VIRMA: variants seen among roughly 807,000 people sequenced by gnomAD.
VIRMA encodes the protein vir like m6A methyltransferase associated.
In VIRMA, 65 loss-of-function variants were observed where a neutral mutation model predicts 182.4. The observed-to-expected ratio is 0.36, with a 90% CI of 0.29 to 0.44. The LOEUF (loss-of-function observed/expected upper bound fraction) is 0.44, where lower values mean the gene tolerates loss of function less well. VIRMA is among the 20% of genes least tolerant of loss of function. VIRMA has a pLI of 1.00. For synonymous variants in VIRMA, 709 were observed against 743.1 expected (o/e 0.95, Z 0.75); for missense variants, 1,752 against 2,158.1 (o/e 0.81, Z 3.73).
intron 2 of VIRMA, among the ~76,000 whole-genome samples, chr8:94,539,858 G>A (rs1311422438): frequency 6.6e-6 from 1 of 152,154 alleles, no homozygotes; most frequent in East Asian, 1.9e-4. Flanking sequence ...TACTGTGACA[G>A]TAGGCTTGTT....
chr8:94,523,260 T>C (rs1814837971), intron 8 of VIRMA, among the ~76,000 whole-genome samples: 1 of 152,158 alleles, frequency 6.6e-6, no homozygotes, highest in Non-Finnish European at 1.5e-5. Flanking sequence ...CATAAACATC[T>C]CCCTCTCCAC....
chr8:94,504,933 T>C (rs1311333331), intron 16 of VIRMA, among the ~76,000 whole-genome samples: 1 of 152,162 alleles, frequency 6.6e-6, no homozygotes, highest in Non-Finnish European at 1.5e-5. Flanking sequence ...ACATTAAGTC[T>C]AGGAAACCCA....
In VIRMA at chr8:94,511,434, G is replaced by A. The variant is rs139028810; in HGVS notation, c.3141C>T (p.Ile1047=). Reference sequence around the variant, plus strand: ...CACTATCCAAACGACCTGAGAGGGGGATAGAGCACAGGAGCATATGTAAAG... The same window carrying A: ...CACTATCCAAACGACCTGAGAGGGGAATAGAGCACAGGAGCATATGTAAAG... ...LVTLHMLLCS[I]PLSGRLDSDE... The change falls in exon 13 of 24, where the codon ATC becomes ATT. Residue 1047 remains isoleucine, a synonymous_variant. Coordinates refer to ENST00000297591, the MANE Select transcript of VIRMA (RefSeq NM_015496.5). 6.2e-7 allele frequency: 1 copy of A among 1,613,970 alleles called. No homozygotes were observed. The highest frequency in any genetic ancestry group is 8.5e-7 in the Non-Finnish European group (1 of 1,179,996).
chr8:94,540,136 AT>A (rs1815487684), intron 2 of VIRMA, among the ~76,000 whole-genome samples: 2 of 152,120 alleles, frequency 1.3e-5, no homozygotes, highest in Non-Finnish European at 2.9e-5. Flanking sequence ...ATGCGAACAG[AT>A]TTTTTTCAAG....
chr8:94,503,474 G>A (rs1814059924), intron 16 of VIRMA, among the ~76,000 whole-genome samples: 1 of 151,970 alleles, frequency 6.6e-6, no homozygotes. Context: ...TCAAATTGAG[G>A]GACATTCTAC....
chr8:94,496,539 A>C, intron 17 of VIRMA, 59 bp from the exon 18 acceptor site: 1 of 1,387,234 alleles, frequency 7.2e-7, no homozygotes, highest in Non-Finnish European at 1.0e-6. Flanking sequence ...AGATGCATCC[A>C]CACTTATTCA....
In VIRMA at chr8:94,519,313, T is replaced by C. The variant is rs1214768897; in HGVS notation, c.2185A>G (p.Asn729Asp). Residue 729 changes from asparagine (N) to aspartate (D), a missense_variant, in exon 9 of 24, where the codon AAT becomes GAT. By Grantham distance (23) the Asn-to-Asp change is conservative (BLOSUM62 1). Transcript: ENST00000297591. ...TGACACAGAGCTCGGATCAATAAAT[T>C]TGTTGCTTCATATTCCGACATAAAA... is the stretch of plus-strand genomic sequence containing the variant. Reference protein sequence around the residue: ...LFFMSEYEATNLLIRALCHFY... With the variant: ...LFFMSEYEATDLLIRALCHFY... 6.2e-7 allele frequency: 1 copy of C among 1,612,642 alleles called. No individual in the cohort carries two copies. Among genetic ancestry groups the C allele is most frequent in the East Asian group, 2.2e-5 (1 of 44,886 alleles).
intron 16 of VIRMA, among the ~76,000 whole-genome samples, chr8:94,502,969 T>G (rs1190871327): frequency 6.6e-6 from 1 of 152,154 alleles, no homozygotes; most frequent in African/African-American, 2.4e-5. Context: ...AGGATAGTAT[T>G]GAATTATATA....
chr8:94,524,540 G>T (rs1285717885), intron 8 of VIRMA, among the ~76,000 whole-genome samples: 2 of 151,806 alleles, frequency 1.3e-5, no homozygotes, highest in African/African-American at 4.8e-5. Context: ...CCTGAACTCA[G>T]ATGATCTGCC....
intron 2 of VIRMA, among the ~76,000 whole-genome samples, chr8:94,540,634 G>C (rs1815516293): frequency 6.6e-6 from 1 of 151,694 alleles, no homozygotes; most frequent in African/African-American, 2.4e-5. Context: ...GCTGATTTTT[G>C]TATTTTTAGT....
At chr8:94,522,471 T>C (rs141155636) in intron 8 of VIRMA, among the ~76,000 whole-genome samples, 1 of 152,168 alleles carries the variant, frequency 6.6e-6, no homozygotes, top group East Asian at 1.9e-4. Flanking sequence ...CATAGGACAA[T>C]AGAGCCTTGC....
chr8:94,545,296 A>G (rs1586114872), intron 1 of VIRMA, among the ~76,000 whole-genome samples: 1 of 152,206 alleles, frequency 6.6e-6, no homozygotes, highest in African/African-American at 2.4e-5. Flanking sequence ...AACTTTTCCT[A>G]TTACTTCAGT....
At chr8:94,506,787 A>G in intron 15 of VIRMA, 70 bp from the exon 16 acceptor site, 3 of 866,040 alleles carry the variant, frequency 3.5e-6, no homozygotes, top group Non-Finnish European at 3.7e-6. Flanking sequence ...CTTTTGAGAA[A>G]TACATAGCAA....
intron 8 of VIRMA, among the ~76,000 whole-genome samples, chr8:94,523,276 T>G (rs1483635003): frequency 1.3e-5 from 2 of 152,216 alleles, no homozygotes; most frequent in Admixed American, 1.3e-4. Context: ...TCCACTGACT[T>G]TTTATTATAA....
At chr8:94,540,202 TC>T (rs1368975908) in intron 2 of VIRMA, among the ~76,000 whole-genome samples, 3 of 152,054 alleles carry the variant, frequency 2.0e-5, no homozygotes, top group Non-Finnish European at 4.4e-5. Flanking sequence ...CATCTAATAG[TC>T]CCCACATAGG....
At chr8:94,494,731 A>C (rs1369763842) in intron 20 of VIRMA, 129 bp downstream of exon 20, 1 of 583,828 alleles carries the variant, frequency 1.7e-6, no homozygotes, top group Non-Finnish European at 2.9e-6. Context: ...TGGCATAAAA[A>C]TAATGTAGGA....
rs1434098861 is a variant in VIRMA, at chr8:94,511,569, A to G, written c.3006T>C (p.Thr1002=). The change falls in exon 13 of 24, where the codon ACT becomes ACC. Residue 1002 remains threonine, a synonymous_variant. Coordinates refer to ENST00000297591, the MANE Select transcript of VIRMA (RefSeq NM_015496.5). ...TGAGTGTGCAGCGAGCCATTGAAAT[A>G]GTAGTAACTCTGTGAAGGGTAGTCC... ...NMGTTLHRVT[T]ISMARCTLTL... The G allele has an allele frequency of 3.7e-6, 6 of 1,614,058 alleles. No individual in the cohort carries two copies. Among genetic ancestry groups the G allele is most frequent in the Non-Finnish European group, 5.1e-6 (6 of 1,180,018 alleles).
chr8:94,546,509 T>C (rs752134739), intron 1 of VIRMA, among the ~76,000 whole-genome samples: 3 of 151,246 alleles, frequency 2.0e-5, no homozygotes, highest in Non-Finnish European at 4.4e-5. Context: ...CACTCCAATA[T>C]GAATTACAGC....
At chr8:94,490,944 CTT>C (rs1813585982) in intron 22 of VIRMA, among the ~76,000 whole-genome samples, 1 of 151,908 alleles carries the variant, frequency 6.6e-6, no homozygotes, top group South Asian at 2.1e-4. Flanking sequence ...ACAGAACAAT[CTT>C]AAGAAAACTG....
Sources: allele counts gnomAD v4.1 joint callset (sites outside exome capture counted in the v4.1 genomes callset), GRCh38; gene constraint gnomAD v4.1.1; transcripts MANE v1.5; gene names NCBI Gene and HGNC (gene_info 2026-07-23, HGNC 2026-07-21).